The following SMAP2 variants were observed in gnomAD, a reference collection of about 807,000 sequenced individuals.
The protein encoded by SMAP2 is stromal membrane-associated protein 2.
A neutral mutation model predicts 56.4 loss-of-function variants in SMAP2; 25 were observed. The ratio of observed to expected loss-of-function variants is 0.44; its 90% CI spans 0.32 to 0.62. SMAP2 has a LOEUF of 0.62. Ranked by LOEUF, SMAP2 falls within the 20% of genes least tolerant of loss-of-function variation. The pLI, the probability that SMAP2 is intolerant of heterozygous loss-of-function variation, is 0.04. For missense variants in SMAP2, 388 were observed against 545.6 expected (o/e 0.71, Z 2.88); for synonymous variants, 157 against 181.7 (o/e 0.86, Z 1.09).
intron 1 of SMAP2, chr1:40,393,239 T>C: frequency 7.7e-7 from 1 of 1,304,012 alleles, no homozygotes; most frequent in Non-Finnish European, 1.0e-6. Flanking sequence ...GGTGGGAGGA[T>C]TGCTTGAGCA....
rs1645056803 is a variant in SMAP2 at position 40,422,876 on chromosome 1, T to C, written c.*775T>C. The stretch of plus-strand genomic sequence containing the variant: ...TAGTGGGAATGCAGAGCTTAACGTG[T>C]ACTGCTTGTGTGTGTGCGTGAGTGT... On this transcript the variant is annotated 3_prime_UTR_variant, in exon 10 of 10. Coordinates refer to ENST00000372718, the MANE Select transcript of SMAP2 (RefSeq NM_022733.3). 6.5e-6 allele frequency: 1 copy of C among 152,818 alleles called. No individual in the cohort carries two copies. Among genetic ancestry groups the C allele is most frequent in the Non-Finnish European group, 1.5e-5 (1 of 68,376 alleles). The allele number at this position is 152,818 out of a possible 1,614,324, so 9.5% of individuals were successfully genotyped here.
chr1:40,361,723 C>T (rs1478220966), intron 1 of SMAP2, among the ~76,000 whole-genome samples: 2 of 152,086 alleles, frequency 1.3e-5, no homozygotes, highest in East Asian at 1.9e-4. Context: ...GCACTGGTGG[C>T]CACAGGGAGA....
chr1:40,409,637 A>G (rs1644916371), intron 3 of SMAP2, 120 bp from the exon 4 acceptor site: 6 of 675,414 alleles, frequency 8.9e-6, no homozygotes, highest in African/African-American at 5.5e-5. Flanking sequence ...GGCAGGAGCC[A>G]TGTGGGGAAA....
chr1:40,348,846 C>T (rs909953738), intron 1 of SMAP2, among the ~76,000 whole-genome samples: 14 of 152,220 alleles, frequency 9.2e-5, no homozygotes, highest in African/African-American at 3.4e-4. Context: ...TCTCTGCTCA[C>T]TGCAACCTCC....
rs33976621 is a variant in SMAP2 at position 40,375,826 on chromosome 1, ACCC to A, written c.103+1612_103+1614del. The A allele has an allele frequency of 7.0e-4, 567 of 815,660 alleles. 1 individual carries two copies. The highest frequency in any genetic ancestry group is 7.8e-4 in the Non-Finnish European group (530 of 682,810). The allele number at this position is 815,660 out of a possible 1,614,324, so 50.5% of individuals were successfully genotyped here. Reference sequence around the variant, plus strand: ...GTCAGATGCCATTTTGGTGACTAGAACCCCCCCCCCCATTTCTCATATTACCCT... The same window carrying A: ...GTCAGATGCCATTTTGGTGACTAGAACCCCCCCCATTTCTCATATTACCCT... On this transcript the variant is annotated intron_variant, in intron 1 of 9. Coordinates refer to ENST00000372718, the MANE Select transcript of SMAP2 (RefSeq NM_022733.3).
At chr1:40,357,030 T>G (rs1644439073) in intron 1 of SMAP2, among the ~76,000 whole-genome samples, 1 of 152,172 alleles carries the variant, frequency 6.6e-6, no homozygotes, top group African/African-American at 2.4e-5. Context: ...TTTTTCCTAT[T>G]GAGTTATTTG....
At chr1:40,414,481 G>A (rs913398521) in intron 6 of SMAP2, among the ~76,000 whole-genome samples, 1 of 152,172 alleles carries the variant, frequency 6.6e-6, no homozygotes, top group African/African-American at 2.4e-5. Flanking sequence ...AGCCAGTGTC[G>A]CTCTGTGTTA....
At chr1:40,387,740 A>G (rs1644672101) in intron 1 of SMAP2, among the ~76,000 whole-genome samples, 1 of 152,006 alleles carries the variant, frequency 6.6e-6, no homozygotes, top group Non-Finnish European at 1.5e-5. Context: ...CGGCCTTGGC[A>G]CCCACTCTGG....
At chr1:40,352,798 G>A (rs1364745800) in intron 1 of SMAP2, among the ~76,000 whole-genome samples, 3 of 152,106 alleles carry the variant, frequency 2.0e-5, no homozygotes, top group Non-Finnish European at 4.4e-5. Context: ...AAAGCTCTAA[G>A]ATTACAGGTG....
intron 9 of SMAP2, 90 bp downstream of exon 9, chr1:40,417,186 T>TTCCA (rs1644997363): frequency 3.2e-6 from 3 of 923,278 alleles, no homozygotes; most frequent in Non-Finnish European, 4.9e-6. Flanking sequence ...TTTGAATCCT[T>TTCCA]TCCATGTAGA....
rs2124392007 is a variant in SMAP2, at chr1:40,422,399, C to A, written c.*298C>A. The stretch of plus-strand genomic sequence containing the variant: ...TAAACTGTGGGAGAAGTGTGCACAC[C>A]TTTGAGTCCCTTCCCTCAAGGTTAA... On this transcript the variant is annotated 3_prime_UTR_variant, in exon 10 of 10. Transcript: ENST00000372718. 5 of 337,896 alleles carry A rather than the reference C, an allele frequency of 1.5e-5. No homozygotes were observed. In the South Asian group the frequency reaches 1.6e-4, roughly 11 times the overall value. The allele number at this position is 337,896 out of a possible 1,614,324, so 20.9% of individuals were successfully genotyped here.
At chr1:40,370,794 C>T (rs1384697997), upstream of SMAP2, among the ~76,000 whole-genome samples, 2 of 135,520 alleles carry the variant, frequency 1.5e-5, no homozygotes, top group African/African-American at 5.6e-5. Flanking sequence ...CAGCATGGCA[C>T]ATGTATACAT....
chr1:40,348,063 G>A (rs1041134786), intron 1 of SMAP2, among the ~76,000 whole-genome samples: 4 of 152,108 alleles, frequency 2.6e-5, no homozygotes, highest in Admixed American at 6.6e-5. Context: ...TCAGGAGGTC[G>A]AGGCAGGCAG....
At chr1:40,396,890 G>A (rs1410863567) in intron 1 of SMAP2, 1 of 977,616 alleles carries the variant, frequency 1.0e-6, no homozygotes, top group Non-Finnish European at 1.2e-6. Flanking sequence ...GTGGAACTGA[G>A]GTAACTGGCA....
rs957874364 is a variant in SMAP2 at position 40,385,066 on chromosome 1, G to T, written c.103+10843G>T. On this transcript the variant is annotated intron_variant, in intron 1 of 9. Transcript: ENST00000372718. This position sits in a 1 kb window ranked among gnomAD's most constrained non-coding sequence, Gnocchi z 4.5. ...CTCCCCAGTGGAAAGCCCCAGAGAT[G>T]AGCCAGATCTGCCTCAGCTGTGGCC... Among the ~76,000 whole-genome samples, 22 of 152,010 alleles carry T rather than the reference G, an allele frequency of 1.4e-4. No individual in the cohort carries two copies. The highest frequency in any genetic ancestry group is 2.9e-4 in the Non-Finnish European group (20 of 67,988).
intron 1 of SMAP2, among the ~76,000 whole-genome samples, chr1:40,352,772 C>T (rs1461324969): frequency 2.0e-5 from 3 of 152,160 alleles, no homozygotes; most frequent in Non-Finnish European, 4.4e-5. Context: ...AAGCGATCCT[C>T]CCTCCTTGGC....
intron 3 of SMAP2, among the ~76,000 whole-genome samples, chr1:40,409,068 T>C (rs1165722758): frequency 6.6e-6 from 1 of 152,254 alleles, no homozygotes; most frequent in Admixed American, 6.5e-5. Flanking sequence ...TTCATTGTGC[T>C]CTGTTAACCC....
chr1:40,403,641 A>G (rs998451096), intron 1 of SMAP2: 13 of 984,732 alleles, frequency 1.3e-5, no homozygotes, highest in Middle Eastern at 5.2e-4. Flanking sequence ...TCTATACCAC[A>G]TCCTTATATA....
intron 2 of SMAP2, among the ~76,000 whole-genome samples, chr1:40,364,482 C>T (rs1644471566): frequency 1.3e-5 from 2 of 152,160 alleles, no homozygotes; most frequent in Admixed American, 1.3e-4. Context: ...GTGATTCATG[C>T]CTGTAATCCC....
Sources: gnomAD v4.1 joint callset for allele counts (sites outside exome capture counted in the v4.1 genomes callset) on GRCh38, gnomAD v4.1.1 for gene constraint, Gnocchi (gnomAD v3.1) non-coding constraint, MANE v1.5 for transcripts, NCBI Gene and HGNC (gene_info 2026-07-23, HGNC 2026-07-21) for gene names.